EXOSC7: variants seen among roughly 807,000 people sequenced by gnomAD.
EXOSC7 encodes exosome component 7, also known as exosome complex component RRP42.
EXOSC7 carries 25 observed loss-of-function variants against 34.3 expected under a neutral mutation model. That is an observed-to-expected ratio of 0.73 (90% confidence interval 0.53 to 1.02). EXOSC7 has a LOEUF of 1.02. EXOSC7 is among the 50% of genes least tolerant of loss of function. The pLI, the probability that EXOSC7 is intolerant of heterozygous loss-of-function variation, is 0.00. For missense variants in EXOSC7, 370 were observed against 368.5 expected, an observed-to-expected ratio of 1.00 and a Z score of -0.03; for synonymous variants, 130 against 143.0, an observed-to-expected ratio of 0.91 and a Z score of 0.65.
At chr3:45,007,923 T>C (rs886301238) in intron 7 of EXOSC7, among the ~76,000 whole-genome samples, 1 of 152,192 alleles carries the variant, frequency 6.6e-6, no homozygotes, top group Non-Finnish European at 1.5e-5. Flanking sequence ...GATGAGGGAA[T>C]AGAATTCTTG....
chr3:44,992,667 A>AT (rs1343725319), intron 3 of EXOSC7, among the ~76,000 whole-genome samples: 1 of 152,182 alleles, frequency 6.6e-6, no homozygotes, highest in Non-Finnish European at 1.5e-5. Context: ...AGAGTAGGCT[A>AT]TTTTAAATGA....
chr3:45,011,004 G>A (rs1278139953), intron 7 of EXOSC7, among the ~76,000 whole-genome samples: 4 of 152,274 alleles, frequency 2.6e-5, no homozygotes, highest in African/African-American at 9.6e-5. Context: ...GTGGGGGCTG[G>A]TGTTTGTCTC....
In EXOSC7 at chr3:45,007,576, G is replaced by T; in HGVS notation, c.771+1G>T. On this transcript the variant is annotated splice_donor_variant, in intron 7 of 7. Transcript: ENST00000265564. LOFTEE classifies it high-confidence loss of function. The stretch of plus-strand genomic sequence containing the variant: ...AGAGAGCATCTTCGAGATGATGGAG[G>T]TGAGGCCTTAGTTCTGAGGAAGGTG... 3 of 1,603,592 alleles carry T rather than the reference G, an allele frequency of 1.9e-6. No individual in the cohort carries two copies. Among genetic ancestry groups the T allele is most frequent in the Non-Finnish European group, 2.6e-6 (3 of 1,174,684 alleles).
chr3:44,990,199 C>G (rs1159384545), intron 3 of EXOSC7, among the ~76,000 whole-genome samples: 3 of 152,140 alleles, frequency 2.0e-5, no homozygotes, highest in African/African-American at 7.2e-5. Flanking sequence ...GCTTTGTGAT[C>G]TCAGGCTGGT....
intron 7 of EXOSC7, 83 bp from the exon 8 acceptor site, chr3:45,011,152 G>A: frequency 1.4e-6 from 1 of 703,566 alleles, no homozygotes; most frequent in Non-Finnish European, 2.3e-6. Flanking sequence ...AGAAAGACTA[G>A]CTGGCAGAAA....
intron 1 of EXOSC7, among the ~76,000 whole-genome samples, chr3:44,986,817 G>C (rs1322815185): frequency 6.6e-6 from 1 of 152,210 alleles, no homozygotes; most frequent in African/African-American, 2.4e-5. Context: ...GTGTGGTGCT[G>C]CAGTGTTTTG....
intron 6 of EXOSC7, among the ~76,000 whole-genome samples, chr3:45,006,795 A>ATGGG: frequency 1.6e-5 from 2 of 124,730 alleles, no homozygotes; most frequent in South Asian, 3.0e-4. Context: ...CTCTGCTGCA[A>ATGGG]CCCCCCCACC....
intron 7 of EXOSC7, among the ~76,000 whole-genome samples, chr3:45,009,561 T>C (rs1193820979): frequency 6.6e-6 from 1 of 152,148 alleles, no homozygotes; most frequent in Non-Finnish European, 1.5e-5. Flanking sequence ...GGCCCTTTTT[T>C]TTTTTGAGAT....
At chr3:45,009,583 C>CTA (rs1169917440) in intron 7 of EXOSC7, among the ~76,000 whole-genome samples, 1 of 151,592 alleles carries the variant, frequency 6.6e-6, no homozygotes, top group Non-Finnish European at 1.5e-5. Flanking sequence ...GAGTCTCACA[C>CTA]TATCGCCCAG....
chr3:45,003,245 G>A (rs1415453462), intron 5 of EXOSC7, among the ~76,000 whole-genome samples: 1 of 152,136 alleles, frequency 6.6e-6, no homozygotes. Context: ...TCCTTTAGAA[G>A]GGTAAAGGCC....
chr3:45,002,797 C>A (rs1332646667), intron 5 of EXOSC7, among the ~76,000 whole-genome samples: 1 of 152,178 alleles, frequency 6.6e-6, no homozygotes, highest in Non-Finnish European at 1.5e-5. Context: ...GAGTCCCCCA[C>A]CCCTAGCTGT....
At chr3:44,988,536 T>G (rs920904679) in intron 1 of EXOSC7, among the ~76,000 whole-genome samples, 1 of 152,190 alleles carries the variant, frequency 6.6e-6, no homozygotes, top group Non-Finnish European at 1.5e-5. Context: ...GCTTTTGTAG[T>G]GCAGAAACAA....
chr3:45,011,499 T>C (rs968829250), downstream of EXOSC7: 3 of 534,758 alleles, frequency 5.6e-6, no homozygotes, highest in African/African-American at 3.9e-5. Flanking sequence ...AGTTCTTCAG[T>C]TGAAGCCAAG....
chr3:45,011,398 G>A lies in EXOSC7; in HGVS notation c.*59G>A, dbSNP rs553030494. 1.0e-4 allele frequency: 111 copies of A among 1,104,300 alleles called. No individual in the cohort carries two copies. The highest frequency in any genetic ancestry group is 2.0e-4 in the Admixed American group (9 of 44,708). The allele number at this position is 1,104,300 out of a possible 1,614,324, so 68.4% of individuals were successfully genotyped here. A position where few individuals can be genotyped will look rare whatever the true frequency, so the allele number is the denominator to read the frequency against. ...TTTACTTTTCCTTTTAAACCGGTTC[G>A]TATATATTTTTCTTCGCTGTTACGA... On this transcript the variant is annotated 3_prime_UTR_variant, in exon 8 of 8. Coordinates refer to ENST00000265564, the MANE Select transcript of EXOSC7 (RefSeq NM_015004.4).
chr3:44,992,555 G>A (rs1405887123), intron 3 of EXOSC7, among the ~76,000 whole-genome samples: 2 of 152,318 alleles, frequency 1.3e-5, no homozygotes, highest in African/African-American at 4.8e-5. Context: ...AAAGACTGCT[G>A]CACTGACCCT....
intron 1 of EXOSC7, among the ~76,000 whole-genome samples, chr3:44,985,753 G>A (rs1706393173): frequency 6.6e-6 from 1 of 152,122 alleles, no homozygotes; most frequent in Non-Finnish European, 1.5e-5. Flanking sequence ...GCTGGCTCTG[G>A]CAGCTTGCTT....
chr3:45,001,659 C>A, intron 5 of EXOSC7, 51 bp downstream of exon 5: 1 of 1,296,106 alleles, frequency 7.7e-7, no homozygotes, highest in Non-Finnish European at 1.1e-6. Context: ...CCAGAGCAGA[C>A]ACTTGTAATG....
At chr3:45,000,112 C>T (rs147612096) in intron 4 of EXOSC7, among the ~76,000 whole-genome samples, 1 of 152,298 alleles carries the variant, frequency 6.6e-6, no homozygotes, top group East Asian at 1.9e-4. Flanking sequence ...ATGGAAATTT[C>T]ACTTTGCTTT....
intron 4 of EXOSC7, among the ~76,000 whole-genome samples, 162 bp downstream of exon 4, chr3:44,997,414 A>G (rs1706752415): frequency 6.6e-6 from 1 of 152,200 alleles, no homozygotes. Flanking sequence ...TTTTTTAAAA[A>G]TTAAATACAA....
Sources: gnomAD v4.1 joint callset for allele counts (sites outside exome capture counted in the v4.1 genomes callset) on GRCh38, gnomAD v4.1.1 for gene constraint, MANE v1.5 for transcripts, NCBI Gene and HGNC (gene_info 2026-07-23, HGNC 2026-07-21) for gene names.